FAT3: variants seen among roughly 807,000 people sequenced by gnomAD.
FAT3 encodes protocadherin Fat 3.
In FAT3, 95 loss-of-function variants were observed where a neutral mutation model predicts 310.2. The observed-to-expected ratio is 0.31, with a 90% confidence interval of 0.26 to 0.36. The LOEUF (loss-of-function observed/expected upper bound fraction) is 0.36, where lower values mean the gene tolerates loss of function less well. Among genes scored for constraint, FAT3 ranks in the 10% least tolerant of loss-of-function variants. The probability of loss-of-function intolerance (pLI) is 1.00; values close to 1 mark genes in which losing one functional copy is unlikely to be tolerated. For synonymous variants in FAT3, 2,314 were observed against 2,192.9 expected (o/e 1.06, Z -1.54); for missense variants, 5,408 against 5,715.6 (o/e 0.95, Z 1.74).
chr11:92,839,313 T>C (rs1222040236), intron 17 of FAT3, among the ~76,000 whole-genome samples: 2 of 152,142 alleles, frequency 1.3e-5, no homozygotes, highest in East Asian at 1.9e-4. Flanking sequence ...ACATTGTCTC[T>C]CTCCCTCTCT....
chr11:92,791,095 A>G (rs1232633532), intron 8 of FAT3, among the ~76,000 whole-genome samples: 2 of 152,122 alleles, frequency 1.3e-5, no homozygotes, highest in African/African-American at 4.8e-5. Flanking sequence ...ACCTTCCCCA[A>G]CAAGAGGAAG....
intron 2 of FAT3, among the ~76,000 whole-genome samples, chr11:92,473,413 A>G (rs1951963424): frequency 6.6e-6 from 1 of 152,160 alleles, no homozygotes; most frequent in South Asian, 2.1e-4. Flanking sequence ...ATCTGTCTTT[A>G]GCATTTCATC....
At chr11:92,867,553 G>A (rs1185518139) in intron 22 of FAT3, among the ~76,000 whole-genome samples, 1 of 152,116 alleles carries the variant, frequency 6.6e-6, no homozygotes, top group Non-Finnish European at 1.5e-5. Flanking sequence ...GCCCTCATGA[G>A]CCACCTGCAT....
chr11:92,872,081 T>C (rs1949407004), intron 22 of FAT3, among the ~76,000 whole-genome samples: 1 of 152,156 alleles, frequency 6.6e-6, no homozygotes, highest in South Asian at 2.1e-4. Flanking sequence ...TCTAGGCAAT[T>C]GTGAGTATTC....
intron 1 of FAT3, among the ~76,000 whole-genome samples, chr11:92,292,678 G>A (rs1463335509): frequency 6.6e-6 from 1 of 152,046 alleles, no homozygotes; most frequent in Admixed American, 6.6e-5. Context: ...GCATTTAGGT[G>A]TAAGGTTCAG....
chr11:92,616,319 T>A (rs958073009), intron 3 of FAT3, among the ~76,000 whole-genome samples: 7 of 152,174 alleles, frequency 4.6e-5, no homozygotes. Context: ...TTTTTTGTTT[T>A]CCATTTGCTT....
At chr11:92,314,593 G>A (rs1011887426) in intron 1 of FAT3, among the ~76,000 whole-genome samples, 1 of 152,196 alleles carries the variant, frequency 6.6e-6, no homozygotes, top group African/African-American at 2.4e-5. Flanking sequence ...CAGGCTGCCA[G>A]TACTCTGAGT....
At chr11:92,720,808 C>T (rs1387957537) in intron 4 of FAT3, among the ~76,000 whole-genome samples, 1 of 152,014 alleles carries the variant, frequency 6.6e-6, no homozygotes, top group Non-Finnish European at 1.5e-5. Context: ...TTAAACTATA[C>T]CTGTGCTTCA....
chr11:92,386,619 T>C (rs371390668), intron 2 of FAT3, among the ~76,000 whole-genome samples: 3 of 152,220 alleles, frequency 2.0e-5, no homozygotes, highest in Admixed American at 6.5e-5. Context: ...GTTGAATGAA[T>C]GGATGTCAGT....
chr11:92,800,848 A>T lies in FAT3; in HGVS notation c.7835A>T (p.Asp2612Val). The change falls in exon 10 of 28, where the codon GAT becomes GTT. Residue 2612 changes from aspartate to valine, a missense_variant. Around this residue, in one of 5 missense-constraint regions of FAT3, gnomAD observed 4,588 missense variants for 4,809.8 expected, o/e 0.95. Coordinates refer to ENST00000525166, the MANE Select transcript of FAT3 (RefSeq NM_001367949.2). ...TVEYRASVRA[D>V]VGRGHLVTQV... ...GAATATAGAGCCAGTGTCAGGGCAG[A>T]TGTTGGAAGGGGCCACTTGGTCACT... is the stretch of plus-strand genomic sequence containing the variant. The T allele has an allele frequency of 6.2e-7, 1 of 1,613,662 alleles. No individual in the cohort carries two copies. Among genetic ancestry groups the T allele is most frequent in the Non-Finnish European group, 8.5e-7 (1 of 1,179,786 alleles).
rs774134549 is a variant in FAT3, at chr11:92,402,795, A to G, written c.3292+47391A>G. Among the ~76,000 whole-genome samples the G allele has an allele frequency of 2.6e-5, 4 of 151,620 alleles. No individual in the cohort carries two copies. The South Asian group carries it at 8.3e-4, about 32-fold the overall frequency. The stretch of plus-strand genomic sequence containing the variant: ...CAACATTAATAATAGACACAAAACC[A>G]TAAGTCCAAGAAGCTCAGGGAACAC... On this transcript the variant is annotated intron_variant, in intron 2 of 27. Coordinates refer to ENST00000525166, the MANE Select transcript of FAT3 (RefSeq NM_001367949.2).
chr11:92,779,818 G>A (rs993334011), intron 7 of FAT3, among the ~76,000 whole-genome samples: 4 of 152,098 alleles, frequency 2.6e-5, no homozygotes, highest in Non-Finnish European at 2.9e-5. Flanking sequence ...GAAGAAGAGA[G>A]GCAGCAAAAG....
intron 2 of FAT3, among the ~76,000 whole-genome samples, chr11:92,438,102 T>A (rs1950984563): frequency 6.6e-6 from 1 of 152,092 alleles, no homozygotes; most frequent in South Asian, 2.1e-4. Context: ...GCAGATATAA[T>A]GATTAAAAAA....
At chr11:92,622,763 T>C (rs1941144513) in intron 3 of FAT3, among the ~76,000 whole-genome samples, 1 of 152,320 alleles carries the variant, frequency 6.6e-6, no homozygotes, top group Non-Finnish European at 1.5e-5. Flanking sequence ...TGTGCTCTAG[T>C]ACTTTCTTCG....
At chr11:92,372,821 C>T (rs931310871) in intron 2 of FAT3, among the ~76,000 whole-genome samples, 8 of 151,978 alleles carry the variant, frequency 5.3e-5, no homozygotes, top group Admixed American at 1.3e-4. Flanking sequence ...CCACCACGCC[C>T]GGCTAATTTT....
chr11:92,449,930 A>G (rs935733053), intron 2 of FAT3, among the ~76,000 whole-genome samples: 4 of 152,324 alleles, frequency 2.6e-5, no homozygotes, highest in Middle Eastern at 3.4e-3. Context: ...CCCCTTCCAC[A>G]ACATGGGCCA....
intron 6 of FAT3, 34 bp downstream of exon 6, chr11:92,765,123 A>G (rs769386130): frequency 6.8e-7 from 1 of 1,469,836 alleles, no homozygotes. Flanking sequence ...GTATCATGCA[A>G]TGTAATAATT....
intron 3 of FAT3, among the ~76,000 whole-genome samples, chr11:92,589,938 C>A (rs1939344475): frequency 6.6e-6 from 1 of 152,084 alleles, no homozygotes; most frequent in Non-Finnish European, 1.5e-5. Flanking sequence ...AATGGATGTC[C>A]AGATGCTCAT....
At chr11:92,374,971 C>T (rs1338029106) in intron 2 of FAT3, among the ~76,000 whole-genome samples, 1 of 152,040 alleles carries the variant, frequency 6.6e-6, no homozygotes, top group East Asian at 1.9e-4. Flanking sequence ...AGAGGAATTC[C>T]ATTCTAGTTG....
Sources: allele counts gnomAD v4.1 joint callset (sites outside exome capture counted in the v4.1 genomes callset), GRCh38; gene constraint gnomAD v4.1.1; regional missense constraint gnomAD v4.1.1; transcripts MANE v1.5; gene names NCBI Gene and HGNC (gene_info 2026-07-23, HGNC 2026-07-21).